Variants in ACSS1 observed in about 807,000 individuals in gnomAD.
The protein encoded by ACSS1 is acyl-CoA synthetase short chain family member 1, also known as acetyl-coenzyme A synthetase 2-like, mitochondrial.
ACSS1 carries 42 observed loss-of-function variants against 75.3 expected under a neutral mutation model. That is an observed-to-expected ratio of 0.56 (90% CI 0.44 to 0.72). The LOEUF (loss-of-function observed/expected upper bound fraction) is 0.72. ACSS1 is among the 30% of genes least tolerant of loss of function. The probability of loss-of-function intolerance (pLI) is 0.00; values close to 1 mark genes in which losing one functional copy is unlikely to be tolerated. For synonymous variants in ACSS1, 380 were observed against 376.8 expected (o/e 1.01, Z -0.10); for missense variants, 782 against 935.7 (o/e 0.84, Z 2.14).
chr20:25,057,345 T>A (rs970789202), intron 1 of ACSS1, among the ~76,000 whole-genome samples: 2 of 152,192 alleles, frequency 1.3e-5, no homozygotes, highest in African/African-American at 4.8e-5. Flanking sequence ...CCGCCACCGC[T>A]TTGTTTTTCC....
intron 12 of ACSS1, 120 bp downstream of exon 12, chr20:25,012,481 A>G: frequency 8.2e-7 from 1 of 1,225,712 alleles, no homozygotes; most frequent in Non-Finnish European, 1.2e-6. Context: ...AAGAACACTG[A>G]GAGCTTGGCC....
intron 8 of ACSS1, among the ~76,000 whole-genome samples, chr20:25,014,668 C>A (rs2088484260): frequency 6.6e-6 from 1 of 152,186 alleles, no homozygotes; most frequent in South Asian, 2.1e-4. Context: ...GAAGGGGGGA[C>A]AAATCCAAAC....
intron 3 of ACSS1, among the ~76,000 whole-genome samples, chr20:25,023,879 T>C (rs867826615): frequency 3.9e-5 from 6 of 152,068 alleles, no homozygotes; most frequent in South Asian, 4.1e-4. Context: ...ATAAATTACT[T>C]TGAAGCTCAG....
chr20:25,057,393 G>C (rs1420372174), intron 1 of ACSS1, among the ~76,000 whole-genome samples: 1 of 152,216 alleles, frequency 6.6e-6, no homozygotes. Context: ...TCCCGACTCC[G>C]GGGCGCTCGG....
intron 2 of ACSS1, among the ~76,000 whole-genome samples, chr20:25,031,783 G>C (rs2088828568): frequency 6.6e-6 from 1 of 152,196 alleles, no homozygotes; most frequent in Non-Finnish European, 1.5e-5. Flanking sequence ...AAGTGTCTGA[G>C]GCATAGATCA....
At chr20:25,008,041 G>C in intron 13 of ACSS1, 100 bp from the exon 14 acceptor site, 1 of 1,395,026 alleles carries the variant, frequency 7.2e-7, no homozygotes, top group African/African-American at 1.4e-5. Flanking sequence ...CAGGGGGGAT[G>C]CCCTCCCGGG....
At chr20:25,026,428 C>T (rs541434103) in intron 3 of ACSS1, among the ~76,000 whole-genome samples, 2 of 152,278 alleles carry the variant, frequency 1.3e-5, no homozygotes, top group African/African-American at 4.8e-5. Context: ...GAGCCATGTG[C>T]TGCCATGTGA....
chr20:25,035,047 A>G (rs920668905), intron 2 of ACSS1, among the ~76,000 whole-genome samples: 45 of 151,638 alleles, frequency 3.0e-4, no homozygotes, highest in African/African-American at 1.0e-3. Flanking sequence ...GGTGCCCGCC[A>G]CCACGCCTGG....
At chr20:25,056,122 C>T (rs1051016209) in intron 1 of ACSS1, among the ~76,000 whole-genome samples, 3 of 152,186 alleles carry the variant, frequency 2.0e-5, no homozygotes, top group Non-Finnish European at 2.9e-5. Context: ...TGATCCTGAC[C>T]GAGCGAGGTT....
intron 1 of ACSS1, among the ~76,000 whole-genome samples, chr20:25,057,198 C>G (rs995382477): frequency 1.3e-5 from 2 of 152,250 alleles, no homozygotes; most frequent in African/African-American, 4.8e-5. Flanking sequence ...GCCCCAGGCC[C>G]GCAGCGAAGA....
intron 8 of ACSS1, 144 bp from the exon 9 acceptor site, chr20:25,014,217 T>C: frequency 2.9e-6 from 2 of 687,562 alleles, no homozygotes. Context: ...AAACCAGATG[T>C]GGGTCTGGTG....
At chr20:25,009,946 G>A (rs909004464) in intron 12 of ACSS1, 1 of 153,584 alleles carries the variant, frequency 6.5e-6, no homozygotes. Context: ...AGACAGCTGA[G>A]AGGCAGCTGA....
At chr20:25,052,364 C>T (rs541141378) in intron 1 of ACSS1, among the ~76,000 whole-genome samples, 260 of 152,302 alleles carry the variant, frequency 1.7e-3, no homozygotes, top group African/African-American at 6.1e-3. Context: ...CTCCTATTTC[C>T]GGCCTTTCCC....
intron 12 of ACSS1, chr20:25,010,777 G>A (rs2088393433): frequency 6.6e-6 from 1 of 152,410 alleles, no homozygotes; most frequent in African/African-American, 2.4e-5. Flanking sequence ...CACATGGGTG[G>A]AGGAGCCAGT....
chr20:25,038,544 C>T (rs1177343811), intron 2 of ACSS1, among the ~76,000 whole-genome samples: 1 of 152,196 alleles, frequency 6.6e-6, no homozygotes, highest in African/African-American at 2.4e-5. Context: ...GCACCTCCTT[C>T]TCAGGAGGGC....
intron 1 of ACSS1, among the ~76,000 whole-genome samples, chr20:25,051,277 C>G (rs1277731242): frequency 6.6e-6 from 1 of 152,218 alleles, no homozygotes; most frequent in Non-Finnish European, 1.5e-5. Context: ...GTGTCCTGCT[C>G]AGGTCTGGGT....
chr20:25,016,933 C>T (rs1179327886), intron 7 of ACSS1, among the ~76,000 whole-genome samples: 2 of 151,966 alleles, frequency 1.3e-5, no homozygotes, highest in Admixed American at 6.5e-5. Flanking sequence ...GGGCCGAAGG[C>T]GCAGGAGCAA....
intron 1 of ACSS1, 122 bp from the exon 2 acceptor site, chr20:25,048,303 C>A: frequency 1.4e-6 from 1 of 732,868 alleles, no homozygotes; most frequent in Non-Finnish European, 2.3e-6. Flanking sequence ...CTGACAGAGA[C>A]CCTGTCCTCA....
At chr20:25,032,570 G>C in intron 2 of ACSS1, 1 of 1,246,552 alleles carries the variant, frequency 8.0e-7, no homozygotes, top group African/African-American at 1.5e-5. Flanking sequence ...CTTTCTCTCT[G>C]GGCGGGGCAG....
Sources: gnomAD v4.1 joint callset for allele counts (sites outside exome capture counted in the v4.1 genomes callset) on GRCh38, gnomAD v4.1.1 for gene constraint, MANE v1.5 for transcripts, NCBI Gene and HGNC (gene_info 2026-07-23, HGNC 2026-07-21) for gene names.